Variants in ZNF532 observed in about 807,000 individuals in gnomAD.
ZNF532 encodes the protein zinc finger protein 532.
A neutral mutation model predicts 89.3 loss-of-function variants in ZNF532; 22 were observed. The ratio of observed to expected loss-of-function variants is 0.25; its 90% CI spans 0.18 to 0.35. The LOEUF (loss-of-function observed/expected upper bound fraction) is 0.35, where lower values mean the gene tolerates loss of function less well. Among genes scored for constraint, ZNF532 ranks in the 10% least tolerant of loss-of-function variants. The pLI, the probability that ZNF532 is intolerant of heterozygous loss-of-function variation, is 1.00. For missense variants in ZNF532, 1,132 were observed against 1,643.4 expected (o/e 0.69, Z 5.38); for synonymous variants, 606 against 649.6 (o/e 0.93, Z 1.02).
At chr18:58,909,736 G>C (rs918047112) in intron 2 of ZNF532, among the ~76,000 whole-genome samples, 18 of 152,072 alleles carry the variant, frequency 1.2e-4, no homozygotes, top group Admixed American at 1.0e-3. Context: ...GTGTTTTCTG[G>C]CTGTGAGACT....
At chr18:58,981,054 G>A (rs2067709632) in intron 8 of ZNF532, 3 of 184,010 alleles carry the variant, frequency 1.6e-5, no homozygotes, top group South Asian at 1.1e-4. Context: ...ATACACACTC[G>A]ACTGCCATGA....
At chr18:58,891,971 C>T (rs1371712171) in intron 2 of ZNF532, among the ~76,000 whole-genome samples, 1 of 152,140 alleles carries the variant, frequency 6.6e-6, no homozygotes, top group Non-Finnish European at 1.5e-5. Flanking sequence ...AATACCAGCC[C>T]CCACTCACCC....
chr18:58,892,354 G>A (rs2058961265), intron 2 of ZNF532, among the ~76,000 whole-genome samples: 1 of 152,336 alleles, frequency 6.6e-6, no homozygotes, highest in South Asian at 2.1e-4. Flanking sequence ...CTGTTGAATT[G>A]ACATGGAGTG....
intron 2 of ZNF532, among the ~76,000 whole-genome samples, chr18:58,879,548 C>T (rs2057716815): frequency 6.6e-6 from 1 of 152,104 alleles, no homozygotes; most frequent in Non-Finnish European, 1.5e-5. Context: ...GCCACCACGC[C>T]CGGCTAATAT....
chr18:58,879,541 A>G (rs2057715486), intron 2 of ZNF532, among the ~76,000 whole-genome samples: 2 of 151,890 alleles, frequency 1.3e-5, no homozygotes, highest in Admixed American at 6.6e-5. Flanking sequence ...GGTGCTTGCC[A>G]CCACGCCCGG....
chr18:58,872,306 T>A (rs746388777), intron 2 of ZNF532, among the ~76,000 whole-genome samples: 3 of 152,198 alleles, frequency 2.0e-5, no homozygotes, highest in Non-Finnish European at 2.9e-5. Context: ...ATCAGGGTGT[T>A]GTGGTTCTTG....
intron 2 of ZNF532, among the ~76,000 whole-genome samples, chr18:58,888,910 TA>T (rs1659113300): frequency 2.2e-5 from 2 of 91,586 alleles, no homozygotes; most frequent in Non-Finnish European, 4.1e-5. Context: ...TATATATATA[TA>T]TAATTCATAC....
chr18:58,980,218 A>G (rs754668119), intron 8 of ZNF532: 5 of 152,234 alleles, frequency 3.3e-5, no homozygotes, highest in Admixed American at 6.5e-5. Context: ...GTTTAGTGAG[A>G]TAAGAATGAT....
Position 58,924,024 on chromosome 18 carries a change from T to G in ZNF532, c.2346+3391T>G, listed in dbSNP as rs2061337444. Among the ~76,000 whole-genome samples the G allele has an allele frequency of 5.3e-5, 8 of 152,166 alleles. No individual in the cohort carries two copies. The South Asian group carries it at 1.4e-3, about 28-fold the overall frequency. On this transcript the variant is annotated intron_variant, in intron 3 of 9. Transcript: ENST00000591808. Reference sequence around the variant, plus strand: ...GGCACACATCACCGCATCCAGCTAATTTTTGTATTTTTAGTAGAGACGGGG... The same window carrying G: ...GGCACACATCACCGCATCCAGCTAAGTTTTGTATTTTTAGTAGAGACGGGG...
rs777310864 is a variant in ZNF532, at chr18:58,919,331, G to C, written c.1044G>C (p.Pro348=). The C allele has an allele frequency of 1.9e-6, 3 of 1,613,992 alleles. No homozygotes were observed. Among genetic ancestry groups the C allele is most frequent in the African/African-American group, 2.7e-5 (2 of 74,900 alleles). ...ISSENSSKGS[P]SSPAGSTPAI... ...GTGAGAACAGCAGCAAAGGATCCCC[G>C]TCCTCTCCCGCAGGGTCCACACCAG... Residue 348 remains proline (P), a synonymous_variant, in exon 3 of 10, where the codon CCG becomes CCC. Coordinates refer to ENST00000591808, the MANE Select transcript of ZNF532 (RefSeq NM_001375912.1). This position sits in a 1 kb window ranked among gnomAD's most constrained non-coding sequence, Gnocchi z 6.1.
At chr18:58,902,965 C>T (rs190304595) in intron 2 of ZNF532, among the ~76,000 whole-genome samples, 62 of 152,320 alleles carry the variant, frequency 4.1e-4, no homozygotes, top group Middle Eastern at 6.8e-3. Flanking sequence ...ATACCATCAT[C>T]ACCTCACAAC....
chr18:58,980,438 G>T (rs1222123210), intron 8 of ZNF532: 1 of 152,158 alleles, frequency 6.6e-6, no homozygotes, highest in Non-Finnish European at 1.5e-5. Context: ...GAGAGCCCTC[G>T]TCCTTTGGGG....
intron 2 of ZNF532, among the ~76,000 whole-genome samples, chr18:58,880,624 TGTC>T: frequency 6.6e-6 from 1 of 152,248 alleles, no homozygotes; most frequent in East Asian, 1.9e-4. Context: ...AAATGCTTGT[TGTC>T]TGAATAATTG....
intron 7 of ZNF532, among the ~76,000 whole-genome samples, chr18:58,974,336 G>A (rs1414015863): frequency 6.6e-6 from 1 of 151,946 alleles, no homozygotes; most frequent in East Asian, 1.9e-4. Flanking sequence ...TACTTTCTCC[G>A]CTTAGTAGTT....
intron 2 of ZNF532, among the ~76,000 whole-genome samples, chr18:58,895,141 G>A (rs1261437005): frequency 1.3e-5 from 2 of 152,148 alleles, no homozygotes; most frequent in East Asian, 1.9e-4. Context: ...GACCTAAATC[G>A]GCTTGCCCAA....
intron 4 of ZNF532, among the ~76,000 whole-genome samples, chr18:58,936,579 C>T (rs1443965316): frequency 6.6e-6 from 1 of 152,218 alleles, no homozygotes; most frequent in Admixed American, 6.5e-5. Flanking sequence ...TTGCCCTACT[C>T]ACAGAGTTGT....
At chr18:58,867,411 C>T (rs1192726788) in intron 2 of ZNF532, among the ~76,000 whole-genome samples, 4 of 152,238 alleles carry the variant, frequency 2.6e-5, no homozygotes, top group East Asian at 1.9e-4. Context: ...TTCTCTGGGG[C>T]GGGAGTCATG....
chr18:58,954,711 CT>C (rs11416830), intron 7 of ZNF532, among the ~76,000 whole-genome samples: 129 of 106,324 alleles, frequency 1.2e-3, no homozygotes, highest in South Asian at 1.8e-3. Flanking sequence ...GAATTTGCTA[CT>C]TTTTTTTTTT....
chr18:58,947,545 G>T (rs542471834), intron 5 of ZNF532, among the ~76,000 whole-genome samples: 1 of 152,280 alleles, frequency 6.6e-6, no homozygotes, highest in African/African-American at 2.4e-5. Context: ...TTTGTTTACT[G>T]GTGTAGGGCT....
Sources: gnomAD v4.1 joint callset for allele counts (sites outside exome capture counted in the v4.1 genomes callset) on GRCh38, gnomAD v4.1.1 for gene constraint, Gnocchi (gnomAD v3.1) non-coding constraint, MANE v1.5 for transcripts, NCBI Gene and HGNC (gene_info 2026-07-23, HGNC 2026-07-21) for gene names.